STARD13: variants seen among roughly 807,000 people sequenced by gnomAD.
STARD13 encodes StAR related lipid transfer domain containing 13.
A neutral mutation model predicts 106.4 loss-of-function variants in STARD13; 62 were observed. The observed-to-expected ratio is 0.58, with a 90% CI of 0.48 to 0.72. The LOEUF is 0.72. STARD13 is among the 30% of genes least tolerant of loss of function. The probability of loss-of-function intolerance (pLI) is 0.00; values close to 1 mark genes in which losing one functional copy is unlikely to be tolerated. For missense variants in STARD13, 1,387 were observed against 1,424.0 expected (o/e 0.97, Z 0.42); for synonymous variants, 565 against 553.0 (o/e 1.02, Z -0.31).
At chr13:33,666,363 G>A in the STARD13 span, among the ~76,000 whole-genome samples, 166 of 152,078 alleles carry the variant, frequency 1.1e-3, 1 homozygote, top group African/African-American at 2.1e-3. Context: ...GCACGATCTC[G>A]GCTCACTGCA....
At chr13:33,403,882 T>C in the STARD13 span, among the ~76,000 whole-genome samples, 503 of 152,308 alleles carry the variant, frequency 3.3e-3, 4 homozygotes, top group African/African-American at 0.011. Flanking sequence ...AAAAAATCAA[T>C]TGCAGTTCAG....
At chr13:33,230,292 C>T (rs926100557) in intron 1 of STARD13, among the ~76,000 whole-genome samples, 3 of 152,158 alleles carry the variant, frequency 2.0e-5, no homozygotes, top group Non-Finnish European at 2.9e-5. Context: ...TAAACCTAAA[C>T]AGCCACAACT....
intron 1 of STARD13, chr13:33,349,257 T>A (rs1445633863): frequency 1.4e-6 from 1 of 702,192 alleles, no homozygotes; most frequent in Non-Finnish European, 2.6e-6. Context: ...GAGACTTGCC[T>A]CAGGGTCACC....
At chr13:33,110,161 T>C (rs1440789808) in intron 11 of STARD13, 71 bp from the exon 12 acceptor site, 3 of 1,432,294 alleles carry the variant, frequency 2.1e-6, no homozygotes, top group Non-Finnish European at 1.9e-6. Context: ...TGTTTGGGCT[T>C]TTAGTTTTGC....
At chr13:33,395,498 T>TA in the STARD13 span, among the ~76,000 whole-genome samples, 35 of 152,068 alleles carry the variant, frequency 2.3e-4, no homozygotes, top group Non-Finnish European at 4.1e-4. Context: ...AAGAGGAAGA[T>TA]ACATGAAATA....
intron 1 of STARD13, among the ~76,000 whole-genome samples, chr13:33,297,707 A>C (rs1285301017): frequency 6.6e-6 from 1 of 152,180 alleles, no homozygotes; most frequent in Admixed American, 6.5e-5. Context: ...ATAATTCTTA[A>C]ATCTCCATTT....
At chr13:33,529,364 T>C in the STARD13 span, among the ~76,000 whole-genome samples, 94 of 152,300 alleles carry the variant, frequency 6.2e-4, no homozygotes, top group Non-Finnish European at 1.1e-3. Flanking sequence ...TTTTGTAGTT[T>C]CATGCCTTTA....
the STARD13 span, among the ~76,000 whole-genome samples, chr13:33,449,220 A>G: frequency 6.6e-6 from 1 of 152,000 alleles, no homozygotes; most frequent in African/African-American, 2.4e-5. Flanking sequence ...CTCTTTTAGC[A>G]GTTTTGTAGT....
the STARD13 span, among the ~76,000 whole-genome samples, chr13:33,456,483 C>T: frequency 6.6e-6 from 1 of 152,168 alleles, no homozygotes; most frequent in South Asian, 2.1e-4. Flanking sequence ...AGCCACCACA[C>T]CTGGCCAGAA....
At chr13:33,249,566 T>G (rs1178546721) in intron 1 of STARD13, among the ~76,000 whole-genome samples, 2 of 152,176 alleles carry the variant, frequency 1.3e-5, no homozygotes, top group African/African-American at 4.8e-5. Context: ...TTCTAATCCC[T>G]GCAACAATCG....
chr13:33,358,578 C>G, the STARD13 span, among the ~76,000 whole-genome samples: 1 of 148,894 alleles, frequency 6.7e-6, no homozygotes, highest in Admixed American at 6.7e-5. Flanking sequence ...CTGATGAGGA[C>G]GTCTGTATCT....
the STARD13 span, among the ~76,000 whole-genome samples, chr13:33,655,543 T>C: frequency 6.6e-6 from 1 of 152,322 alleles, no homozygotes; most frequent in East Asian, 1.9e-4. Context: ...GTATGAGTGA[T>C]CACTCCCTCA....
chr13:33,200,367 C>A (rs1226054121), intron 1 of STARD13, among the ~76,000 whole-genome samples: 2 of 152,210 alleles, frequency 1.3e-5, no homozygotes, highest in Admixed American at 6.5e-5. Flanking sequence ...AAGCCCTTGG[C>A]AAGGCAGGAG....
intron 1 of STARD13, among the ~76,000 whole-genome samples, chr13:33,193,234 G>A (rs1412644675): frequency 6.6e-6 from 1 of 152,156 alleles, no homozygotes; most frequent in African/African-American, 2.4e-5. Flanking sequence ...GTAGTATGAG[G>A]AGTAAGAAAA....
chr13:33,640,514 C>T, the STARD13 span, among the ~76,000 whole-genome samples: 1 of 152,206 alleles, frequency 6.6e-6, no homozygotes, highest in South Asian at 2.1e-4. Context: ...ATACCACCTC[C>T]TTCCTTCCCT....
the STARD13 span, among the ~76,000 whole-genome samples, chr13:33,590,218 T>C: frequency 6.6e-6 from 1 of 152,128 alleles, no homozygotes; most frequent in Non-Finnish European, 1.5e-5. Flanking sequence ...GGAGAGGATG[T>C]GGAGAAATAG....
chr13:33,298,684 T>C (rs146926327), intron 1 of STARD13, among the ~76,000 whole-genome samples: 1 of 152,298 alleles, frequency 6.6e-6, no homozygotes, highest in East Asian at 1.9e-4. Flanking sequence ...AGACCAAGTC[T>C]ATATGATTAT....
intron 1 of STARD13, among the ~76,000 whole-genome samples, chr13:33,184,738 C>T (rs929566960): frequency 1.1e-4 from 16 of 152,194 alleles, no homozygotes; most frequent in Admixed American, 7.9e-4. Context: ...TTGAACTTGA[C>T]GTTATGTTCA....
At chr13:33,608,829 G>A in the STARD13 span, among the ~76,000 whole-genome samples, 1 of 152,206 alleles carries the variant, frequency 6.6e-6, no homozygotes, top group African/African-American at 2.4e-5. Context: ...GCTCACGCCT[G>A]TAATCCCAGC....
Sources: allele counts gnomAD v4.1 joint callset (sites outside exome capture counted in the v4.1 genomes callset), GRCh38; gene constraint gnomAD v4.1.1; transcripts MANE v1.5; gene names NCBI Gene and HGNC (gene_info 2026-07-23, HGNC 2026-07-21).